The following RHOBTB3 variants were observed in gnomAD, a reference collection of about 807,000 sequenced individuals.
The protein encoded by RHOBTB3 is Rho related BTB domain containing 3, also known as rho-related BTB domain-containing protein 3.
Under a neutral mutation model 67.2 loss-of-function variants are expected in RHOBTB3, and 47 were observed. The ratio of observed to expected loss-of-function variants is 0.70; its 90% confidence interval spans 0.55 to 0.89. RHOBTB3 has a LOEUF of 0.89. Among genes scored for constraint, RHOBTB3 ranks in the 40% least tolerant of loss-of-function variants. The pLI, the probability that RHOBTB3 is intolerant of heterozygous loss-of-function variation, is 0.00. For missense variants in RHOBTB3, 631 were observed against 750.0 expected (o/e 0.84, Z 1.85); for synonymous variants, 273 against 274.2 (o/e 1.00, Z 0.04).
chr5:95,734,590 G>C (rs753303267), intron 2 of RHOBTB3, among the ~76,000 whole-genome samples: 1 of 152,102 alleles, frequency 6.6e-6, no homozygotes, highest in Non-Finnish European at 1.5e-5. Flanking sequence ...AAACAAATGT[G>C]CTGCAGATTC....
chr5:95,738,364 G>A (rs1349321799), intron 3 of RHOBTB3, among the ~76,000 whole-genome samples: 1 of 152,124 alleles, frequency 6.6e-6, no homozygotes, highest in African/African-American at 2.4e-5. Flanking sequence ...ACTTTCACAA[G>A]TGCACCAAGT....
At chr5:95,730,753 C>A, upstream of RHOBTB3, 1 of 364,226 alleles carries the variant, frequency 2.7e-6, no homozygotes. Flanking sequence ...ATAATCCCCC[C>A]AAGGCGACAT....
Position 95,752,297 on chromosome 5 carries a change from G to GA in RHOBTB3, c.634dup (p.Met212AsnfsTer9). 6.2e-7 allele frequency: 1 copy of GA among 1,605,452 alleles called. No individual in the cohort carries two copies. The highest frequency in any genetic ancestry group is 8.5e-7 in the Non-Finnish European group (1 of 1,177,200). ...AAGACAAGTGAAAAAATGAAGAAAA[G>GA]AAAAATGAGCAACTCCTTTCATGGA... On this transcript the variant is annotated frameshift_variant, in exon 5 of 12. Transcript: ENST00000379982. LOFTEE classifies it high-confidence loss of function.
chr5:95,792,930 C>T (rs1170236385), intron 11 of RHOBTB3, 129 bp from the exon 12 acceptor site: 1 of 576,692 alleles, frequency 1.7e-6, no homozygotes, highest in African/African-American at 1.9e-5. Flanking sequence ...TTTGGGAAAA[C>T]TTGTGGGAAT....
In RHOBTB3 at chr5:95,732,004, G is replaced by A. The variant is rs1346658651; in HGVS notation, c.148G>A (p.Val50Ile). ...CTTGTTGCTGAACGCGGCCAGCACG[G>A]TCGCGCGTCCGGTGTTCACCGAGTA... ...SSLLLNAAST[V>I]ARPVFTEYQA... Residue 50 changes from valine (V) to isoleucine (I), a missense_variant, in exon 2 of 12, where the codon GTC becomes ATC. Transcript: ENST00000379982. 1 of 1,614,206 alleles carries A rather than the reference G, an allele frequency of 6.2e-7. No individual in the cohort carries two copies. The highest frequency in any genetic ancestry group is 2.2e-5 in the East Asian group (1 of 44,874).
Position 95,755,706 on chromosome 5 carries a change from T to TA in RHOBTB3, c.996dup (p.Asp333ArgfsTer47). 4 of 1,614,122 alleles carry TA rather than the reference T, an allele frequency of 2.5e-6. No individual in the cohort carries two copies. Among genetic ancestry groups the TA allele is most frequent in the Non-Finnish European group, 3.4e-6 (4 of 1,180,016 alleles). On this transcript the variant is annotated frameshift_variant, in exon 6 of 12. Transcript: ENST00000379982. LOFTEE classifies it high-confidence loss of function. ...GCAACCCACCATTACGAGTCATTGTTAAAGACGCCCTCTTCTGTTCTTGTT... is the reference window on the plus strand; with the variant it reads ...GCAACCCACCATTACGAGTCATTGTTAAAAGACGCCCTCTTCTGTTCTTGTT...
At chr5:95,755,288 C>A in intron 5 of RHOBTB3, 108 bp from the exon 6 acceptor site, 1 of 827,710 alleles carries the variant, frequency 1.2e-6, no homozygotes, top group Non-Finnish European at 1.6e-6. Context: ...ATGCTTTAAC[C>A]TAATAATATT....
chr5:95,783,066 G>A (rs923637350), intron 9 of RHOBTB3, among the ~76,000 whole-genome samples: 3 of 150,318 alleles, frequency 2.0e-5, no homozygotes, highest in African/African-American at 7.3e-5. Context: ...ATGAAGGCTT[G>A]GATTCTTTTT....
intron 1 of RHOBTB3, among the ~76,000 whole-genome samples, chr5:95,719,211 G>A (rs187274904): frequency 3.3e-5 from 5 of 152,296 alleles, no homozygotes; most frequent in Non-Finnish European, 4.4e-5. Flanking sequence ...TTGACTGGGA[G>A]GTTGCTAAAT....
chr5:95,778,112 C>CT (rs1745942976), intron 8 of RHOBTB3, among the ~76,000 whole-genome samples: 1 of 149,960 alleles, frequency 6.7e-6, no homozygotes, highest in Admixed American at 6.6e-5. Context: ...AAGCAAGACT[C>CT]TATCTCAAAA....
At position 95,763,541 on chromosome 5, in the gene RHOBTB3, T is replaced by G; in HGVS notation, c.1082T>G (p.Ile361Ser). The G allele has an allele frequency of 6.2e-7, 1 of 1,612,372 alleles. No homozygotes were observed. Among genetic ancestry groups the G allele is most frequent in the South Asian group, 1.1e-5 (1 of 90,804 alleles). Reference sequence around the variant, plus strand: ...CAGTGGGAAGAATTGGAAGAAGATATCAGGAAGAAGTTGAAAGATTCTGGG... The same window carrying G: ...CAGTGGGAAGAATTGGAAGAAGATAGCAGGAAGAAGTTGAAAGATTCTGGG... ...AFQWEELEED[I>S]RKKLKDSGDV... The change falls in exon 7 of 12, where the codon ATC (isoleucine) becomes AGC (serine). Residue 361 changes from isoleucine to serine, a missense_variant. Physicochemically the swap from Ile to Ser is moderately radical, Grantham distance 142 (BLOSUM62 -2). Transcript: ENST00000379982.
At chr5:95,772,309 G>A (rs1350234582) in intron 8 of RHOBTB3, among the ~76,000 whole-genome samples, 1 of 152,164 alleles carries the variant, frequency 6.6e-6, no homozygotes, top group African/African-American at 2.4e-5. Context: ...CTATAACATA[G>A]TGTTGTATTA....
At chr5:95,762,498 A>G (rs1580413597) in intron 6 of RHOBTB3, among the ~76,000 whole-genome samples, 1 of 152,254 alleles carries the variant, frequency 6.6e-6, no homozygotes, top group Non-Finnish European at 1.5e-5. Flanking sequence ...CAGATAAAAA[A>G]GGGTCTTGAA....
chr5:95,787,267 TA>T (rs1312136400), intron 10 of RHOBTB3, among the ~76,000 whole-genome samples: 1 of 152,212 alleles, frequency 6.6e-6, no homozygotes, highest in Non-Finnish European at 1.5e-5. Context: ...TGAAGGTTCT[TA>T]TTCTTTTCCC....
At chr5:95,785,317 C>CG (rs1746190352) in intron 10 of RHOBTB3, among the ~76,000 whole-genome samples, 1 of 152,176 alleles carries the variant, frequency 6.6e-6, no homozygotes, top group African/African-American at 2.4e-5. Flanking sequence ...TAGGGCCAGG[C>CG]GTGGTGGCTT....
upstream of RHOBTB3, chr5:95,731,230 A>AC (rs973618377): frequency 2.0e-5 from 20 of 1,002,156 alleles, no homozygotes; most frequent in East Asian, 3.3e-4. Flanking sequence ...CATCCGCCCG[A>AC]CCCCCGGGGC....
rs1332266319 is a variant in RHOBTB3, at chr5:95,767,992, T to G, written c.1162-54T>G. ...TTCCAAATTCCTAGCCTAGCCTATA[T>G]GTTATCAAAGCATGTTAAACAACCT... On this transcript the variant is annotated intron_variant, in intron 7 of 11. Transcript: ENST00000379982. The G allele has an allele frequency of 6.4e-6, 10 of 1,561,530 alleles. No homozygotes were observed. The African/African-American group carries it at 1.2e-4, about 19-fold the overall frequency.
intron 9 of RHOBTB3, 37 bp from the exon 10 acceptor site, chr5:95,783,760 C>T (rs773945078): frequency 4.5e-6 from 7 of 1,563,616 alleles, no homozygotes; most frequent in Non-Finnish European, 5.2e-6. Context: ...GAAATGGTTT[C>T]ATCATCCACT....
chr5:95,731,326 CG>C, upstream of RHOBTB3: 1 of 1,084,044 alleles, frequency 9.2e-7, no homozygotes. Flanking sequence ...GGAGGAGCAG[CG>C]GCAGCGGCAG....
Sources: gnomAD v4.1 joint callset for allele counts (sites outside exome capture counted in the v4.1 genomes callset) on GRCh38, gnomAD v4.1.1 for gene constraint, MANE v1.5 for transcripts, NCBI Gene and HGNC (gene_info 2026-07-23, HGNC 2026-07-21) for gene names.